The following RSU1 variants were observed in gnomAD, a reference collection of about 807,000 sequenced individuals.
RSU1 encodes Ras suppressor protein 1, also known as rsu-1.
Under a neutral mutation model 31.1 loss-of-function variants are expected in RSU1, and 26 were observed. The ratio of observed to expected loss-of-function variants is 0.84; its 90% CI spans 0.61 to 1.16. RSU1 has a LOEUF of 1.16. Ranked by LOEUF, RSU1 falls within the 50% of genes most tolerant of loss-of-function variation. The pLI, the probability that RSU1 is intolerant of heterozygous loss-of-function variation, is 0.00. For missense variants in RSU1, 320 were observed against 339.1 expected, an observed-to-expected ratio of 0.94 and a Z score of 0.44; for synonymous variants, 164 against 136.3, an observed-to-expected ratio of 1.20 and a Z score of -1.41.
intron 7 of RSU1, among the ~76,000 whole-genome samples, chr10:16,707,613 A>G (rs1835933869): frequency 6.8e-6 from 1 of 146,984 alleles, no homozygotes; most frequent in Admixed American, 6.8e-5. Context: ...TGTTCTGAAT[A>G]TTAACCTCTT....
At chr10:16,730,187 C>T (rs1288748771) in intron 7 of RSU1, among the ~76,000 whole-genome samples, 2 of 152,112 alleles carry the variant, frequency 1.3e-5, no homozygotes, top group Non-Finnish European at 2.9e-5. Flanking sequence ...AAAGCAAGAC[C>T]TCACTGGTTA....
intron 2 of RSU1, among the ~76,000 whole-genome samples, chr10:16,803,285 G>C (rs1354134388): frequency 6.6e-6 from 1 of 152,084 alleles, no homozygotes; most frequent in Non-Finnish European, 1.5e-5. Context: ...GAAATATTTA[G>C]ATATATAGCT....
At chr10:16,777,334 A>G (rs114159930) in intron 3 of RSU1, among the ~76,000 whole-genome samples, 1 of 152,204 alleles carries the variant, frequency 6.6e-6, no homozygotes, top group South Asian at 2.1e-4. Context: ...CAACGTAAGG[A>G]TATTGGAGGA....
intron 7 of RSU1, among the ~76,000 whole-genome samples, chr10:16,705,845 T>C (rs576851001): frequency 5.6e-4 from 85 of 152,242 alleles, no homozygotes; most frequent in Non-Finnish European, 1.0e-3. Flanking sequence ...GCTGTCTCTG[T>C]TGCACAGGCT....
At chr10:16,763,305 C>T (rs558328948) in intron 4 of RSU1, among the ~76,000 whole-genome samples, 20 of 152,212 alleles carry the variant, frequency 1.3e-4, no homozygotes, top group Admixed American at 3.9e-4. Flanking sequence ...GTGGTTCTAC[C>T]GGCTGTATAG....
intron 8 of RSU1, among the ~76,000 whole-genome samples, chr10:16,601,193 C>T (rs1833709390): frequency 6.6e-6 from 1 of 152,142 alleles, no homozygotes; most frequent in South Asian, 2.1e-4. Context: ...AGGGAAGAGT[C>T]CCTCACCCCA....
At chr10:16,693,418 C>T (rs1409341850) in intron 8 of RSU1, among the ~76,000 whole-genome samples, 1 of 152,060 alleles carries the variant, frequency 6.6e-6, no homozygotes, top group Non-Finnish European at 1.5e-5. Flanking sequence ...TCAATCCCGA[C>T]CCACTGGCCT....
chr10:16,594,967 A>C (rs1279611265), intron 8 of RSU1, among the ~76,000 whole-genome samples: 1 of 151,902 alleles, frequency 6.6e-6, no homozygotes, highest in Admixed American at 6.6e-5. Flanking sequence ...TATTTTTAGT[A>C]GCAATGGGGT....
intron 8 of RSU1, among the ~76,000 whole-genome samples, chr10:16,598,045 G>C (rs1169526732): frequency 1.3e-5 from 2 of 152,190 alleles, no homozygotes; most frequent in African/African-American, 4.8e-5. Flanking sequence ...CGAGCCACGG[G>C]GCCTCAACTG....
chr10:16,691,430 TAAC>T (rs938708706), intron 8 of RSU1, among the ~76,000 whole-genome samples: 1 of 150,854 alleles, frequency 6.6e-6, no homozygotes, highest in African/African-American at 2.4e-5. Context: ...TCTTATCAGC[TAAC>T]AGTCCATATT....
chr10:16,679,322 TTAAC>T (rs999374340), intron 8 of RSU1, among the ~76,000 whole-genome samples: 2 of 152,144 alleles, frequency 1.3e-5, no homozygotes, highest in Non-Finnish European at 1.5e-5. Flanking sequence ...AAACACATAC[TTAAC>T]TACTAAAATA....
chr10:16,682,535 T>TACACACACACACACAC (rs68128821), intron 8 of RSU1, among the ~76,000 whole-genome samples: 2 of 26,478 alleles, frequency 7.6e-5, no homozygotes, highest in African/African-American at 1.5e-4. Flanking sequence ...AAATCATTCA[T>TACACACACACACACAC]ACACACACAC....
At chr10:16,786,305 G>C (rs1158021817) in intron 2 of RSU1, among the ~76,000 whole-genome samples, 1 of 152,172 alleles carries the variant, frequency 6.6e-6, no homozygotes, top group African/African-American at 2.4e-5. Context: ...TTACAGTGAT[G>C]GTTAAATTGC....
Position 16,680,028 on chromosome 10 carries a change from T to C in RSU1, c.731+14995A>G, listed in dbSNP as rs182842050. Among the ~76,000 whole-genome samples, 153 of 152,040 alleles carry C rather than the reference T, an allele frequency of 1.0e-3. 2 individuals are homozygous for C. The highest frequency in any genetic ancestry group is 1.3e-3 in the Non-Finnish European group (88 of 67,956). On this transcript the variant is annotated intron_variant, in intron 8 of 8. Transcript: ENST00000345264. ...TCCGGAGTACCTGGGATTACAGACG[T>C]GCACCACCATGCCTGGCTAATTTTT...
At chr10:16,651,394 T>C (rs1171407187) in intron 8 of RSU1, among the ~76,000 whole-genome samples, 1 of 152,258 alleles carries the variant, frequency 6.6e-6, no homozygotes, top group East Asian at 1.9e-4. Context: ...ATGCTCACCC[T>C]TGAAGATTTT....
intron 8 of RSU1, among the ~76,000 whole-genome samples, chr10:16,606,576 T>TA (rs1177507992): frequency 6.6e-6 from 1 of 152,178 alleles, no homozygotes; most frequent in Non-Finnish European, 1.5e-5. Context: ...TCTGAGTCAT[T>TA]AGGCTGGTCA....
intron 8 of RSU1, among the ~76,000 whole-genome samples, chr10:16,684,239 G>A (rs77188976): frequency 4.6e-5 from 7 of 152,156 alleles, no homozygotes; most frequent in African/African-American, 9.7e-5. Context: ...TGGGGTAAAC[G>A]ATTTTTATTT....
chr10:16,769,452 G>T (rs1357171934), intron 3 of RSU1, among the ~76,000 whole-genome samples: 3 of 152,198 alleles, frequency 2.0e-5, no homozygotes, highest in African/African-American at 4.8e-5. Context: ...TGCATGGCAG[G>T]GATACTGACC....
intron 3 of RSU1, among the ~76,000 whole-genome samples, chr10:16,770,105 G>A (rs1439757877): frequency 6.6e-6 from 1 of 152,128 alleles, no homozygotes; most frequent in Non-Finnish European, 1.5e-5. Context: ...GCAGGATGCT[G>A]GGTGGTAGTG....
Sources: allele counts gnomAD v4.1 joint callset (sites outside exome capture counted in the v4.1 genomes callset), GRCh38; gene constraint gnomAD v4.1.1; transcripts MANE v1.5; gene names NCBI Gene and HGNC (gene_info 2026-07-23, HGNC 2026-07-21).